The following LRRC1 variants were observed in gnomAD, a reference collection of about 807,000 sequenced individuals.
LRRC1 encodes leucine-rich repeat-containing protein 1.
A neutral mutation model predicts 69.9 loss-of-function variants in LRRC1; 28 were observed. The ratio of observed to expected loss-of-function variants is 0.40; its 90% confidence interval spans 0.30 to 0.55. The LOEUF is 0.55. Among genes scored for constraint, LRRC1 ranks in the 20% least tolerant of loss-of-function variants. The probability of loss-of-function intolerance (pLI) is 0.47; values close to 1 mark genes in which losing one functional copy is unlikely to be tolerated. For missense variants in LRRC1, 498 were observed against 609.0 expected, an observed-to-expected ratio of 0.82 and a Z score of 1.92; for synonymous variants, 236 against 240.2, an observed-to-expected ratio of 0.98 and a Z score of 0.16.
intron 11 of LRRC1, among the ~76,000 whole-genome samples, chr6:53,916,831 AGTAGTT>A (rs1768579396): frequency 6.6e-6 from 1 of 152,226 alleles, no homozygotes; most frequent in South Asian, 2.1e-4. Context: ...CAGTTGCTAT[AGTAGTT>A]CACAGACATG....
chr6:53,822,406 C>T (rs1453643034), intron 1 of LRRC1, among the ~76,000 whole-genome samples: 1 of 152,164 alleles, frequency 6.6e-6, no homozygotes, highest in Non-Finnish European at 1.5e-5. Context: ...AGTTTTATTC[C>T]ATCAATGTTG....
At chr6:53,818,121 C>G (rs1389675860) in intron 1 of LRRC1, among the ~76,000 whole-genome samples, 1 of 152,150 alleles carries the variant, frequency 6.6e-6, no homozygotes, top group Non-Finnish European at 1.5e-5. Flanking sequence ...GAGAAGGCCA[C>G]TCTTTTATTA....
At chr6:53,853,327 C>G (rs1270196408) in intron 2 of LRRC1, among the ~76,000 whole-genome samples, 1 of 149,940 alleles carries the variant, frequency 6.7e-6, no homozygotes, top group Non-Finnish European at 1.5e-5. Flanking sequence ...CTCTGTTGCC[C>G]AGGCTGGAGC....
Position 53,828,667 on chromosome 6 carries a change from G to A in LRRC1, c.160-13443G>A, listed in dbSNP as rs757336268. On this transcript the variant is annotated intron_variant, in intron 1 of 13. Coordinates refer to ENST00000370888, the MANE Select transcript of LRRC1 (RefSeq NM_018214.5). ...TTCTTTAAATTTACATGCTATGTTT[G>A]GATAGTAGCTTGAATACTTGGTAGA... 2.0e-5 allele frequency among the ~76,000 whole-genome samples: 3 copies of A among 152,178 alleles called. No homozygotes were observed. The East Asian group carries it at 5.8e-4, about 29-fold the overall frequency.
At chr6:53,847,688 C>T (rs1765990966) in intron 2 of LRRC1, among the ~76,000 whole-genome samples, 1 of 152,160 alleles carries the variant, frequency 6.6e-6, no homozygotes. Context: ...GTTAGTTGTC[C>T]TCTGTCCAAC....
intron 1 of LRRC1, among the ~76,000 whole-genome samples, chr6:53,825,604 C>T (rs969256197): frequency 1.3e-5 from 2 of 152,142 alleles, no homozygotes; most frequent in African/African-American, 4.8e-5. Flanking sequence ...GCCTCCCGGA[C>T]TTGGCTGTTC....
At chr6:53,853,069 T>A (rs1253165123) in intron 2 of LRRC1, among the ~76,000 whole-genome samples, 2 of 152,252 alleles carry the variant, frequency 1.3e-5, no homozygotes, top group East Asian at 3.9e-4. Context: ...GAGCTCGTAT[T>A]ACCCCCTTCT....
chr6:53,849,667 G>C (rs916186913), intron 2 of LRRC1, among the ~76,000 whole-genome samples: 1 of 152,236 alleles, frequency 6.6e-6, no homozygotes, highest in Non-Finnish European at 1.5e-5. Context: ...AAGAGGGAAA[G>C]AGGGAATGAA....
chr6:53,919,475 TTTA>T lies in LRRC1; in HGVS notation c.1107-22_1107-20del. The T allele has an allele frequency of 7.2e-7, 1 of 1,381,646 alleles. No individual in the cohort carries two copies. Among genetic ancestry groups the T allele is most frequent in the Non-Finnish European group, 9.6e-7 (1 of 1,043,848 alleles). The allele number at this position is 1,381,646 out of a possible 1,614,324, so 85.6% of individuals were successfully genotyped here. A position where few individuals can be genotyped will look rare whatever the true frequency, so the allele number is the denominator to read the frequency against. ...AATTTGAGGTTGTGATGTCTCTTTTTTTAAAAAAAAAAAAAAAAACAGGTTGCT... is the reference window on the plus strand; with the variant it reads ...AATTTGAGGTTGTGATGTCTCTTTTTAAAAAAAAAAAAAAAACAGGTTGCT... On this transcript the variant is annotated intron_variant, in intron 11 of 13. Coordinates refer to ENST00000370888, the MANE Select transcript of LRRC1 (RefSeq NM_018214.5).
chr6:53,911,013 T>A (rs1241347230), intron 10 of LRRC1, among the ~76,000 whole-genome samples: 1 of 152,238 alleles, frequency 6.6e-6, no homozygotes, highest in East Asian at 1.9e-4. Flanking sequence ...CCTAGCACAC[T>A]CTGCAACAAC....
chr6:53,809,872 C>A (rs559909034), intron 1 of LRRC1, among the ~76,000 whole-genome samples: 1 of 152,170 alleles, frequency 6.6e-6, no homozygotes, highest in Non-Finnish European at 1.5e-5. Context: ...CATCAGGAAG[C>A]CTGAAGGTAG....
At chr6:53,913,553 G>A (rs1216059527) in intron 10 of LRRC1, among the ~76,000 whole-genome samples, 6 of 152,152 alleles carry the variant, frequency 3.9e-5, no homozygotes, top group Admixed American at 2.6e-4. Flanking sequence ...ATGCAGTTGC[G>A]TTAGATATCA....
At chr6:53,847,291 A>T (rs1765979493) in intron 2 of LRRC1, among the ~76,000 whole-genome samples, 1 of 152,204 alleles carries the variant, frequency 6.6e-6, no homozygotes, top group African/African-American at 2.4e-5. Context: ...TCTCATCCAA[A>T]TTTTAAAAGT....
intron 4 of LRRC1, among the ~76,000 whole-genome samples, chr6:53,888,167 C>T (rs555297560): frequency 4.2e-4 from 64 of 152,262 alleles, no homozygotes; most frequent in African/African-American, 1.5e-3. Flanking sequence ...ACTCAAGCCA[C>T]ACACTTTGTG....
chr6:53,841,335 T>A (rs2127416011), intron 1 of LRRC1, among the ~76,000 whole-genome samples: 1 of 152,340 alleles, frequency 6.6e-6, no homozygotes, highest in Non-Finnish European at 1.5e-5. Flanking sequence ...AGTTTCTTAT[T>A]GGCTACTCGC....
At chr6:53,849,713 A>G (rs1766066276) in intron 2 of LRRC1, among the ~76,000 whole-genome samples, 1 of 152,258 alleles carries the variant, frequency 6.6e-6, no homozygotes, top group Non-Finnish European at 1.5e-5. Flanking sequence ...AAGATTAAAT[A>G]TAGAAATGGT....
Position 53,897,394 on chromosome 6 carries a change from TAA to T in LRRC1, c.642+38_642+39del, listed in dbSNP as rs759441296. The T allele has an allele frequency of 5.0e-6, 7 of 1,411,136 alleles. No homozygotes were observed. In the Admixed American group the frequency reaches 1.2e-4, roughly 24 times the overall value. The allele number at this position is 1,411,136 out of a possible 1,614,324, so 87.4% of individuals were successfully genotyped here. A position where few individuals can be genotyped will look rare whatever the true frequency, so the allele number is the denominator to read the frequency against. On this transcript the variant is annotated intron_variant, in intron 7 of 13. Transcript: ENST00000370888. ...AATTTCACAGTGTCTCCCCAAAACATAAAACAGCAACAATAAGCTTTGTGTAT... is the reference window on the plus strand; with the variant it reads ...AATTTCACAGTGTCTCCCCAAAACATAACAGCAACAATAAGCTTTGTGTAT...
intron 1 of LRRC1, among the ~76,000 whole-genome samples, chr6:53,809,333 C>T (rs755529773): frequency 1.1e-4 from 16 of 152,138 alleles, no homozygotes; most frequent in Non-Finnish European, 2.2e-4. Context: ...TACAATAGAT[C>T]CATCTTATAA....
Position 53,795,116 on chromosome 6 carries a change from C to T in LRRC1, c.-141C>T, listed in dbSNP as rs1384139313. The T allele has an allele frequency of 6.8e-6, 5 of 736,034 alleles. No homozygotes were observed. The highest frequency in any genetic ancestry group is 3.4e-5 in the Admixed American group (1 of 29,488). The allele number at this position is 736,034 out of a possible 1,614,324, so 45.6% of individuals were successfully genotyped here. ...CTTGAAGCACTTCCGACCGCGAAGC[C>T]CGGCGCGAGAAGCGAGCTAACCCAA... On this transcript the variant is annotated 5_prime_UTR_variant, in exon 1 of 14. Transcript: ENST00000370888.
Sources: gnomAD v4.1 joint callset for allele counts (sites outside exome capture counted in the v4.1 genomes callset) on GRCh38, gnomAD v4.1.1 for gene constraint, MANE v1.5 for transcripts, NCBI Gene and HGNC (gene_info 2026-07-23, HGNC 2026-07-21) for gene names.